Variants in KHDRBS2 observed in about 807,000 individuals in gnomAD.
The protein encoded by KHDRBS2 is KH domain-containing, RNA-binding, signal transduction-associated protein 2.
KHDRBS2 carries 26 observed loss-of-function variants against 44.3 expected under a neutral mutation model. That is an observed-to-expected ratio of 0.59 (90% CI 0.43 to 0.81). The LOEUF is 0.81. Among genes scored for constraint, KHDRBS2 ranks in the 40% least tolerant of loss-of-function variants. The pLI is 0.00. For missense variants in KHDRBS2, 476 were observed against 433.1 expected (o/e 1.10, Z -0.88); for synonymous variants, 194 against 151.1 (o/e 1.28, Z -2.08).
At chr6:61,904,564 C>A (rs1050284130) in intron 4 of KHDRBS2, among the ~76,000 whole-genome samples, 2 of 152,144 alleles carry the variant, frequency 1.3e-5, no homozygotes, top group African/African-American at 4.8e-5. Flanking sequence ...CCTATTGCTT[C>A]CAAGGCTATG....
the KHDRBS2 span, among the ~76,000 whole-genome samples, chr6:61,653,570 T>C: frequency 6.6e-6 from 1 of 151,678 alleles, no homozygotes; most frequent in Admixed American, 6.6e-5. Flanking sequence ...GATAAAACAG[T>C]CCTTCCTTTA....
intron 1 of KHDRBS2, among the ~76,000 whole-genome samples, chr6:62,230,659 A>G (rs9454689): frequency 0.036 from 5,430 of 152,224 alleles, 329 homozygotes; most frequent in African/African-American, 0.12. Flanking sequence ...CTTAATGTTT[A>G]ATTATTACTA....
At position 62,111,652 on chromosome 6, in the gene KHDRBS2, T is replaced by G. The variant is rs564501636; in HGVS notation, c.220-63658A>C. ...AGCTCACACATGTAATCCTAGCTCC[T>G]TGGAGGATCACTTGAGGCCAGGAGT... On this transcript the variant is annotated intron_variant, in intron 2 of 8. Coordinates refer to ENST00000281156, the MANE Select transcript of KHDRBS2 (RefSeq NM_152688.4). Among the ~76,000 whole-genome samples the G allele has an allele frequency of 2.6e-5, 4 of 152,160 alleles. No homozygotes were observed. In the East Asian group the frequency reaches 7.7e-4, roughly 29 times the overall value.
chr6:61,628,328 C>T, the KHDRBS2 span, among the ~76,000 whole-genome samples: 1 of 146,006 alleles, frequency 6.8e-6, no homozygotes, highest in Non-Finnish European at 1.5e-5. Context: ...ATCTTCCTCA[C>T]ACTCTCTTCA....
chr6:62,065,001 C>A (rs1431793836), intron 2 of KHDRBS2, among the ~76,000 whole-genome samples: 5 of 152,110 alleles, frequency 3.3e-5, no homozygotes, highest in African/African-American at 4.8e-5. Context: ...CAAAAGAAGA[C>A]ATTTATGCAG....
At chr6:61,672,244 A>C in the KHDRBS2 span, among the ~76,000 whole-genome samples, 1 of 151,636 alleles carries the variant, frequency 6.6e-6, no homozygotes, top group African/African-American at 2.4e-5. Flanking sequence ...CCAGTCTATC[A>C]TTGTTGGACA....
chr6:61,671,023 T>A, the KHDRBS2 span, among the ~76,000 whole-genome samples: 1 of 151,636 alleles, frequency 6.6e-6, no homozygotes, highest in Non-Finnish European at 1.5e-5. Flanking sequence ...CACAAGACAC[T>A]GAGAAGATAG....
At chr6:62,186,736 C>T (rs1823506944) in intron 1 of KHDRBS2, among the ~76,000 whole-genome samples, 1 of 151,942 alleles carries the variant, frequency 6.6e-6, no homozygotes, top group Non-Finnish European at 1.5e-5. Flanking sequence ...TGGTACCTCA[C>T]AAAAGGCAAG....
the KHDRBS2 span, among the ~76,000 whole-genome samples, chr6:61,543,115 A>T: frequency 6.6e-6 from 1 of 152,096 alleles, no homozygotes. Context: ...GACAAATGGG[A>T]TCACATCATG....
intron 6 of KHDRBS2, among the ~76,000 whole-genome samples, chr6:61,766,580 T>A (rs1340908440): frequency 6.6e-6 from 1 of 152,102 alleles, no homozygotes; most frequent in Non-Finnish European, 1.5e-5. Flanking sequence ...TTTCTACTTT[T>A]TTGATGTAGG....
chr6:61,670,095 A>T, the KHDRBS2 span, among the ~76,000 whole-genome samples: 1 of 151,306 alleles, frequency 6.6e-6, no homozygotes, highest in Non-Finnish European at 1.5e-5. Flanking sequence ...AGGATTATAC[A>T]TTTCTTATTT....
chr6:62,245,478 G>C (rs371376771), intron 1 of KHDRBS2, among the ~76,000 whole-genome samples: 3 of 152,022 alleles, frequency 2.0e-5, no homozygotes, highest in Non-Finnish European at 4.4e-5. Flanking sequence ...TCTACTTCAA[G>C]CAATTTTAGT....
At chr6:62,011,247 C>A (rs1445087515) in intron 3 of KHDRBS2, among the ~76,000 whole-genome samples, 1 of 152,092 alleles carries the variant, frequency 6.6e-6, no homozygotes, top group Non-Finnish European at 1.5e-5. Flanking sequence ...GAAATGAGTT[C>A]TATCATTTCT....
At chr6:62,053,934 T>C (rs191086375) in intron 2 of KHDRBS2, among the ~76,000 whole-genome samples, 86 of 152,172 alleles carry the variant, frequency 5.7e-4, no homozygotes, top group Admixed American at 1.3e-3. Flanking sequence ...AGAGAATTTT[T>C]TTAAAGGAGA....
intron 3 of KHDRBS2, among the ~76,000 whole-genome samples, chr6:61,989,486 C>G (rs1295689029): frequency 6.6e-6 from 1 of 152,166 alleles, no homozygotes; most frequent in African/African-American, 2.4e-5. Flanking sequence ...ATGGTGCTGT[C>G]ACATTCTCTT....
At chr6:61,977,367 T>C (rs1772890388) in intron 4 of KHDRBS2, among the ~76,000 whole-genome samples, 1 of 152,162 alleles carries the variant, frequency 6.6e-6, no homozygotes. Flanking sequence ...TGTCAATCTT[T>C]AGGAAAGCTT....
the KHDRBS2 span, among the ~76,000 whole-genome samples, chr6:61,613,734 A>C: frequency 6.6e-6 from 1 of 152,214 alleles, no homozygotes; most frequent in African/African-American, 2.4e-5. Context: ...TGTCTCAAAG[A>C]ATTAGAGGAA....
chr6:62,023,542 T>G (rs1782721697), intron 3 of KHDRBS2, among the ~76,000 whole-genome samples: 1 of 151,648 alleles, frequency 6.6e-6, no homozygotes, highest in South Asian at 2.1e-4. Flanking sequence ...AGAAATATTT[T>G]TATTAAAAAT....
At chr6:61,981,181 A>C (rs1394246029) in intron 3 of KHDRBS2, among the ~76,000 whole-genome samples, 1 of 152,174 alleles carries the variant, frequency 6.6e-6, no homozygotes, top group East Asian at 1.9e-4. Context: ...TCTCCTTTCT[A>C]CTATTTAGCC....
Sources: allele counts gnomAD v4.1 joint callset (sites outside exome capture counted in the v4.1 genomes callset), GRCh38; gene constraint gnomAD v4.1.1; transcripts MANE v1.5; gene names NCBI Gene and HGNC (gene_info 2026-07-23, HGNC 2026-07-21).